LRP1B: variants seen among roughly 807,000 people sequenced by gnomAD.
The protein encoded by LRP1B is LDL receptor related protein 1B, also known as low-density lipoprotein receptor-related protein 1B.
A neutral mutation model predicts 556.6 loss-of-function variants in LRP1B; 217 were observed. That is an observed-to-expected ratio of 0.39 (90% CI 0.35 to 0.44). LRP1B has a LOEUF of 0.44. LRP1B is among the 20% of genes least tolerant of loss of function. The pLI, the probability that LRP1B is intolerant of heterozygous loss-of-function variation, is 1.00. For synonymous variants in LRP1B, 2,047 were observed against 1,865.8 expected (o/e 1.10, Z -2.50); for missense variants, 5,053 against 5,620.8 (o/e 0.90, Z 3.23).
intron 20 of LRP1B, among the ~76,000 whole-genome samples, chr2:140,938,765 A>T (rs922305545): frequency 3.3e-5 from 5 of 152,068 alleles, no homozygotes; most frequent in Non-Finnish European, 7.4e-5. Flanking sequence ...ACTAACATAC[A>T]TTAACTCCCT....
intron 2 of LRP1B, among the ~76,000 whole-genome samples, chr2:141,681,140 A>G (rs1439816797): frequency 6.6e-6 from 1 of 152,078 alleles, no homozygotes; most frequent in Non-Finnish European, 1.5e-5. Context: ...AAAAATACAA[A>G]AAGTTATCCA....
intron 7 of LRP1B, among the ~76,000 whole-genome samples, chr2:141,126,643 T>C (rs1701220132): frequency 2.0e-5 from 3 of 152,168 alleles, no homozygotes; most frequent in Admixed American, 6.5e-5. Context: ...CACAATAGCC[T>C]CTTGGTCCTT....
At chr2:140,294,841 G>A (rs1312482863) in intron 84 of LRP1B, among the ~76,000 whole-genome samples, 1 of 152,074 alleles carries the variant, frequency 6.6e-6, no homozygotes, top group East Asian at 1.9e-4. Context: ...TGGTGAAGAT[G>A]TGAGCAATAC....
intron 66 of LRP1B, among the ~76,000 whole-genome samples, chr2:140,425,091 TG>T (rs2105272443): frequency 6.6e-6 from 1 of 152,226 alleles, no homozygotes. Flanking sequence ...GAATTGCCAT[TG>T]GCAGGTTTAT....
At chr2:140,645,468 T>G (rs1379106134) in intron 41 of LRP1B, among the ~76,000 whole-genome samples, 5 of 151,716 alleles carry the variant, frequency 3.3e-5, no homozygotes, top group African/African-American at 1.2e-4. Flanking sequence ...CTACTGTCTC[T>G]GAGTAAGAAA....
At chr2:140,680,547 G>C (rs1257527686) in intron 41 of LRP1B, among the ~76,000 whole-genome samples, 3 of 152,138 alleles carry the variant, frequency 2.0e-5, no homozygotes, top group Non-Finnish European at 4.4e-5. Flanking sequence ...TATCTGGCAG[G>C]CACTGTGGTA....
intron 3 of LRP1B, among the ~76,000 whole-genome samples, chr2:141,334,437 A>G (rs1376054181): frequency 6.6e-6 from 1 of 152,268 alleles, no homozygotes; most frequent in Non-Finnish European, 1.5e-5. Context: ...CCTTACAGCC[A>G]TGCTTCCTGT....
At chr2:141,482,595 C>A (rs901766377) in intron 2 of LRP1B, among the ~76,000 whole-genome samples, 18 of 151,602 alleles carry the variant, frequency 1.2e-4, no homozygotes, top group Admixed American at 7.9e-4. Flanking sequence ...AGGGTTTTCA[C>A]TGAGTGCCTC....
Position 140,231,798 on chromosome 2 carries a change from C to T in LRP1B, c.*1388G>A, listed in dbSNP as rs1680483085. 6.6e-6 allele frequency: 1 copy of T among 151,648 alleles called. No individual in the cohort carries two copies. Among genetic ancestry groups the T allele is most frequent in the African/African-American group, 2.4e-5 (1 of 41,288 alleles). 9.4% of individuals were successfully genotyped at this position (151,648 alleles called of 1,614,324 possible). A position where few individuals can be genotyped will look rare whatever the true frequency, so the allele number is the denominator to read the frequency against. ...ACATATTTCATCTGTTAGGTTAATA[C>T]ATTATGACAGCTAAAAGTCAGTCAT... is the stretch of plus-strand genomic sequence containing the variant. On this transcript the variant is annotated 3_prime_UTR_variant, in exon 91 of 91. Transcript: ENST00000389484.
intron 3 of LRP1B, among the ~76,000 whole-genome samples, chr2:141,347,953 A>G (rs1039745750): frequency 2.0e-5 from 3 of 152,100 alleles, no homozygotes; most frequent in African/African-American, 2.4e-5. Context: ...TGAGAAAGTG[A>G]CATAGCTCTT....
rs540904188 is a variant in LRP1B at position 141,814,812 on chromosome 2, A to G, written c.83-4411T>C. ...GGCTAAAAGAAGTTAGTGAAAAACT[A>G]TAGGAATAGAAATAGGTGTAGATTA... On this transcript the variant is annotated intron_variant, in intron 1 of 90. Coordinates refer to ENST00000389484, the MANE Select transcript of LRP1B (RefSeq NM_018557.3). Among the ~76,000 whole-genome samples the G allele has an allele frequency of 2.6e-5, 4 of 152,288 alleles. No individual in the cohort carries two copies. In the South Asian group the frequency reaches 6.2e-4, roughly 24 times the overall value.
At chr2:140,254,714 C>A (rs5023613) in intron 86 of LRP1B, among the ~76,000 whole-genome samples, 1 of 151,836 alleles carries the variant, frequency 6.6e-6, no homozygotes, top group Non-Finnish European at 1.5e-5. Context: ...CCACCACACC[C>A]GGCTGATGTT....
intron 1 of LRP1B, among the ~76,000 whole-genome samples, chr2:141,951,731 C>T (rs1558982497): frequency 6.6e-6 from 1 of 151,968 alleles, no homozygotes; most frequent in Admixed American, 6.6e-5. Context: ...GATTTTATTC[C>T]ATTTATATTA....
intron 27 of LRP1B, among the ~76,000 whole-genome samples, chr2:140,866,658 T>A (rs915063106): frequency 6.6e-6 from 1 of 151,878 alleles, no homozygotes; most frequent in Non-Finnish European, 1.5e-5. Flanking sequence ...CACAGAAAAT[T>A]TTGCAGATGA....
At chr2:140,719,755 G>A (rs1443408959) in intron 35 of LRP1B, among the ~76,000 whole-genome samples, 1 of 151,986 alleles carries the variant, frequency 6.6e-6, no homozygotes, top group South Asian at 2.1e-4. Flanking sequence ...TTTCTATTAG[G>A]TACATTTGGG....
intron 2 of LRP1B, among the ~76,000 whole-genome samples, chr2:141,761,290 G>T (rs936873803): frequency 3.3e-5 from 5 of 151,698 alleles, no homozygotes; most frequent in South Asian, 2.1e-4. Context: ...TTGCCCAGAG[G>T]TTCCAAAACT....
At chr2:141,088,647 C>T (rs1003995451) in intron 7 of LRP1B, among the ~76,000 whole-genome samples, 3 of 152,126 alleles carry the variant, frequency 2.0e-5, no homozygotes, top group South Asian at 2.1e-4. Flanking sequence ...CAGTTGGCAA[C>T]ATTTATTGAG....
intron 43 of LRP1B, 100 bp from the exon 44 acceptor site, chr2:140,542,071 G>C (rs746959724): frequency 1.4e-6 from 1 of 699,224 alleles, no homozygotes; most frequent in East Asian, 2.9e-5. Context: ...GGATTAGTTG[G>C]ATTTAATTAA....
chr2:141,103,547 G>A (rs1700521185), intron 7 of LRP1B, among the ~76,000 whole-genome samples: 1 of 78,806 alleles, frequency 1.3e-5, no homozygotes, highest in Admixed American at 1.4e-4. Context: ...AAAAAGTTCA[G>A]CTGGTGATTG....
Sources: allele counts gnomAD v4.1 joint callset (sites outside exome capture counted in the v4.1 genomes callset), GRCh38; gene constraint gnomAD v4.1.1; transcripts MANE v1.5; gene names NCBI Gene and HGNC (gene_info 2026-07-23, HGNC 2026-07-21).